RFX6: variants seen among roughly 807,000 people sequenced by gnomAD.
RFX6 encodes the protein DNA-binding protein RFX6.
RFX6 carries 50 observed loss-of-function variants against 110.8 expected under a neutral mutation model. The ratio of observed to expected loss-of-function variants is 0.45; its 90% CI spans 0.36 to 0.57. RFX6 has a LOEUF of 0.57. Among genes scored for constraint, RFX6 ranks in the 20% least tolerant of loss-of-function variants. RFX6 has a pLI of 0.00. For missense variants in RFX6, 990 were observed against 1,127.0 expected (o/e 0.88, Z 1.74); for synonymous variants, 383 against 411.2 (o/e 0.93, Z 0.83).
At chr6:116,881,792 A>G (rs1021656636) in intron 3 of RFX6, among the ~76,000 whole-genome samples, 1 of 152,136 alleles carries the variant, frequency 6.6e-6, no homozygotes, top group African/African-American at 2.4e-5. Flanking sequence ...ATACATACAT[A>G]GTTTGCCATG....
chr6:116,918,665 A>G, intron 10 of RFX6, among the ~76,000 whole-genome samples: 1 of 151,418 alleles, frequency 6.6e-6, no homozygotes, highest in East Asian at 1.9e-4. Context: ...TTATTTTAGT[A>G]TTTTGGGGGT....
intron 6 of RFX6, among the ~76,000 whole-genome samples, chr6:116,910,307 T>C (rs1049040443): frequency 1.3e-5 from 2 of 152,174 alleles, no homozygotes; most frequent in Non-Finnish European, 1.5e-5. Flanking sequence ...CACAGTAGCA[T>C]TATAAGTTAT....
At chr6:116,913,632 TGTAA>T (rs1463741932) in intron 7 of RFX6, among the ~76,000 whole-genome samples, 1 of 152,228 alleles carries the variant, frequency 6.6e-6, no homozygotes, top group Non-Finnish European at 1.5e-5. Context: ...GCTAAGACTA[TGTAA>T]GTATTAAATA....
At chr6:116,891,833 C>A (rs1314321748) in intron 4 of RFX6, among the ~76,000 whole-genome samples, 1 of 152,106 alleles carries the variant, frequency 6.6e-6, no homozygotes, top group East Asian at 1.9e-4. Context: ...TAATTAGAGA[C>A]ATACTCAGTT....
At position 116,900,704 on chromosome 6, in the gene RFX6, T is replaced by C. The variant is rs182562777; in HGVS notation, c.672+5497T>C. 2.6e-5 allele frequency among the ~76,000 whole-genome samples: 4 copies of C among 152,106 alleles called. No homozygotes were observed. The East Asian group carries it at 7.7e-4, about 29-fold the overall frequency. Reference sequence around the variant, plus strand: ...TGCAGACAGAAAATTATGCACAAAATTTTTATTGATTACAGTGAGAAACTA... The same window carrying C: ...TGCAGACAGAAAATTATGCACAAAACTTTTATTGATTACAGTGAGAAACTA... On this transcript the variant is annotated intron_variant, in intron 6 of 18. Transcript: ENST00000332958.
chr6:116,919,238 T>C lies in RFX6; in HGVS notation c.1124T>C (p.Ile375Thr). ...GCTCTAACTGACAAGAAAATACCTA[T>C]TGTGCGAAGATTTGTATCTTCTCTG... is the stretch of plus-strand genomic sequence containing the variant. ...PEALTDKKIP[I>T]VRRFVSSLKR... The change falls in exon 11 of 19, where the codon ATT becomes ACT. Residue 375 changes from isoleucine to threonine, a missense_variant. Transcript: ENST00000332958. 6.2e-7 allele frequency: 1 copy of C among 1,613,512 alleles called. No homozygotes were observed.
At chr6:116,912,995 G>T (rs753681707) in intron 7 of RFX6, among the ~76,000 whole-genome samples, 21 of 152,098 alleles carry the variant, frequency 1.4e-4, no homozygotes, top group Non-Finnish European at 2.6e-4. Flanking sequence ...CATTAGCCAG[G>T]CTCCTCAGGT....
intron 6 of RFX6, among the ~76,000 whole-genome samples, chr6:116,904,980 T>C (rs187161001): frequency 5.9e-5 from 9 of 152,324 alleles, no homozygotes; most frequent in Admixed American, 5.9e-4. Flanking sequence ...CTGCTATGAA[T>C]GTGGATGTAC....
chr6:116,878,961 A>T (rs1463393912), intron 2 of RFX6, among the ~76,000 whole-genome samples: 1 of 151,924 alleles, frequency 6.6e-6, no homozygotes, highest in African/African-American at 2.4e-5. Context: ...ATTGAAGTTG[A>T]TGTCGTGGTT....
At chr6:116,913,687 TTGA>T (rs1311529595) in intron 7 of RFX6, among the ~76,000 whole-genome samples, 2 of 152,214 alleles carry the variant, frequency 1.3e-5, no homozygotes, top group African/African-American at 2.4e-5. Context: ...TTTAAAAATT[TTGA>T]TGATTTGTAT....
intron 14 of RFX6, among the ~76,000 whole-genome samples, chr6:116,924,115 A>T (rs970435603): frequency 1.3e-5 from 2 of 152,226 alleles, no homozygotes; most frequent in African/African-American, 4.8e-5. Context: ...TTTGTTGGAA[A>T]ATCTATTGAA....
rs137956032 is a variant in RFX6, at chr6:116,925,643, C to A, written c.1869C>A (p.Asp623Glu). 2.5e-6 allele frequency: 4 copies of A among 1,613,070 alleles called. No homozygotes were observed. The highest frequency in any genetic ancestry group is 2.7e-5 in the African/African-American group (2 of 75,040). The stretch of plus-strand genomic sequence containing the variant: ...ACCAGTTCCCTGCTGGGAACACAGA[C>A]AACATGCCGCTCACAGGTACGCTAA... Reference protein sequence around the residue: ...ALHQFPAGNTDNMPLTGQMEL... With the variant: ...ALHQFPAGNTENMPLTGQMEL... The change falls in exon 16 of 19, where the codon GAC becomes GAA. Residue 623 changes from aspartate to glutamate, a missense_variant. Transcript: ENST00000332958.
chr6:116,887,903 A>C (rs1774734637), intron 4 of RFX6, among the ~76,000 whole-genome samples: 1 of 152,234 alleles, frequency 6.6e-6, no homozygotes, highest in Non-Finnish European at 1.5e-5. Flanking sequence ...AATTGAGCCC[A>C]CAAATAGATT....
chr6:116,926,601 A>G (rs751047254), intron 16 of RFX6, among the ~76,000 whole-genome samples: 4 of 151,724 alleles, frequency 2.6e-5, no homozygotes, highest in Non-Finnish European at 5.9e-5. Flanking sequence ...TACTTATAAG[A>G]GGTGTTTGCA....
intron 6 of RFX6, among the ~76,000 whole-genome samples, chr6:116,895,645 TACACACACAC>T (rs146991192): frequency 1.5e-4 from 22 of 147,940 alleles, no homozygotes; most frequent in African/African-American, 4.7e-4. Flanking sequence ...CTACTTTGTG[TACACACACAC>T]ACACACACAC....
At chr6:116,885,446 C>G (rs1416560976) in intron 4 of RFX6, among the ~76,000 whole-genome samples, 5 of 152,174 alleles carry the variant, frequency 3.3e-5, no homozygotes. Flanking sequence ...GATGCATGCA[C>G]TCATCTCTAA....
intron 12 of RFX6, 44 bp from the exon 13 acceptor site, chr6:116,921,998 T>TA (rs1775608391): frequency 1.1e-6 from 1 of 890,170 alleles, no homozygotes; most frequent in African/African-American, 1.7e-5. Flanking sequence ...TAGAGTACAA[T>TA]ATTCTGTTTT....
intron 7 of RFX6, among the ~76,000 whole-genome samples, chr6:116,914,105 T>C (rs974050482): frequency 2.6e-5 from 4 of 152,178 alleles, no homozygotes; most frequent in Non-Finnish European, 4.4e-5. Context: ...TTCCGACCTC[T>C]GGTAACCACC....
chr6:116,914,052 A>T (rs1022968815), intron 7 of RFX6, among the ~76,000 whole-genome samples: 13 of 152,132 alleles, frequency 8.5e-5, no homozygotes, highest in Non-Finnish European at 1.8e-4. Flanking sequence ...GTGTATTTGT[A>T]CCCATTAATC....
Sources: allele counts gnomAD v4.1 joint callset (sites outside exome capture counted in the v4.1 genomes callset), GRCh38; gene constraint gnomAD v4.1.1; transcripts MANE v1.5; gene names NCBI Gene and HGNC (gene_info 2026-07-23, HGNC 2026-07-21).